KMT2D: variants seen among roughly 807,000 people sequenced by gnomAD.
The protein encoded by KMT2D is histone-lysine N-methyltransferase 2D.
KMT2D carries 55 observed loss-of-function variants against 512.7 expected under a neutral mutation model. That is an observed-to-expected ratio of 0.11 (90% CI 0.09 to 0.13). KMT2D has a LOEUF of 0.13. Among genes scored for constraint, KMT2D ranks in the 10% least tolerant of loss-of-function variants. The pLI is 1.00. For synonymous variants in KMT2D, 2,995 were observed against 2,904.0 expected, an observed-to-expected ratio of 1.03 and a Z score of -1.01; for missense variants, 6,061 against 7,127.9, an observed-to-expected ratio of 0.85 and a Z score of 5.39.
Position 49,058,810 on chromosome 12 carries a change from G to A in KMT2D, c.-38+803C>T, listed in dbSNP as rs1456512022. Among the ~76,000 whole-genome samples the A allele has an allele frequency of 2.0e-5, 3 of 152,154 alleles. No individual in the cohort carries two copies. In the East Asian group the frequency reaches 5.8e-4, roughly 29 times the overall value. ...CAGCCAGCTCTCCATACCAGGCCGGGAGAAGGCAAAAGACAAAAGCCATTT... is the reference window on the plus strand; with the variant it reads ...CAGCCAGCTCTCCATACCAGGCCGGAAGAAGGCAAAAGACAAAAGCCATTT... On this transcript the variant is annotated intron_variant, in intron 1 of 54. Transcript: ENST00000301067.
rs1221540786 is a variant in KMT2D, at chr12:49,039,041, G to A, written c.8367-52C>T. 1.3e-6 allele frequency: 2 copies of A among 1,541,034 alleles called. No individual in the cohort carries two copies. Among genetic ancestry groups the A allele is most frequent in the Non-Finnish European group, 1.8e-6 (2 of 1,134,702 alleles). On this transcript the variant is annotated intron_variant, in intron 34 of 54. Coordinates refer to ENST00000301067, the MANE Select transcript of KMT2D (RefSeq NM_003482.4). This position sits in a 1 kb window ranked among gnomAD's most constrained non-coding sequence, Gnocchi z 5.0. ...GATGAAATCAGATGAAAAGGAGCAA[G>A]AACATGGGCTTAGGGCAGTGAGGAA...
chr12:49,040,411 TG>T lies in KMT2D; in HGVS notation c.7358del (p.Pro2453HisfsTer32). 6.4e-7 allele frequency: 1 copy of T among 1,560,314 alleles called. No homozygotes were observed. Among genetic ancestry groups the T allele is most frequent in the Non-Finnish European group, 8.7e-7 (1 of 1,152,398 alleles). On this transcript the variant is annotated frameshift_variant, in exon 32 of 55. Coordinates refer to ENST00000301067, the MANE Select transcript of KMT2D (RefSeq NM_003482.4). LOFTEE classifies it high-confidence loss of function. ...GGTCACGGGACTGAGGGCGTGAGGG[TG>T]GGCGAGAATAAGGGTCAGGGGACTG... ...RFQSPDPYSR[P>X]PSRPQSRDPF...
In KMT2D at chr12:49,060,128, C is replaced by A. The variant is rs867277171; in HGVS notation, c.-553G>T. Among the ~76,000 whole-genome samples, 3 of 151,330 alleles carry A rather than the reference C, an allele frequency of 2.0e-5. No individual in the cohort carries two copies. The South Asian group carries it at 6.2e-4, about 31-fold the overall frequency. ...CGCCGAGCCCCTCTCCCCGCCCCGG[C>A]CGGCGCCCGGGGCCGCGCGAGCTAC... is the stretch of plus-strand genomic sequence containing the variant. On this transcript the variant is annotated 5_prime_UTR_variant, in exon 1 of 55. Coordinates refer to ENST00000301067, the MANE Select transcript of KMT2D (RefSeq NM_003482.4).
rs2120527780 is a variant in KMT2D at position 49,040,360 on chromosome 12, G to A, written c.7410C>T (p.Pro2470=). ...AGGCAACTTCAGGGGGCTGGGGTCG[G>A]GGTGGCTTATGCAATGGGGCAAATG... The part of the protein sequence containing the change: ...RDPFAPLHKP[P]RPQPPEVAFK... The change falls in exon 32 of 55, where the codon CCC becomes CCT. Residue 2470 remains proline (P), a synonymous_variant. Transcript: ENST00000301067. 1.9e-6 allele frequency: 3 copies of A among 1,566,262 alleles called. No homozygotes were observed. Among genetic ancestry groups the A allele is most frequent in the Admixed American group, 1.8e-5 (1 of 54,212 alleles).
intron 25 of KMT2D, 60 bp downstream of exon 25, chr12:49,043,303 A>G (rs2120566253): frequency 6.3e-7 from 1 of 1,575,882 alleles, no homozygotes; most frequent in Non-Finnish European, 8.7e-7. Context: ...TCAGGGGCAC[A>G]GCAGAGGGAC....
chr12:49,034,971 G>A (rs1367094922), intron 35 of KMT2D, 36 bp from the exon 36 acceptor site: 2 of 1,610,916 alleles, frequency 1.2e-6, no homozygotes, highest in South Asian at 1.1e-5. Flanking sequence ...TGGGCTATGG[G>A]GCCAATGCTC....
rs2120580980 is a variant in KMT2D at position 49,044,291 on chromosome 12, G to A, written c.5097C>T (p.Phe1699=). ...TGTGGGATTTCCGCTGTCGCACCATGAAACCACCAATGCCTATGAGGAGGC... is the reference window on the plus strand; with the variant it reads ...TGTGGGATTTCCGCTGTCGCACCATAAAACCACCAATGCCTATGAGGAGGC... ...RKPYRPGIGG[F]MVRQRKSHTR... The change falls in exon 22 of 55, where the codon TTC becomes TTT. Residue 1699 remains phenylalanine (F), a synonymous_variant. Coordinates refer to ENST00000301067, the MANE Select transcript of KMT2D (RefSeq NM_003482.4). This position sits in a 1 kb window ranked among gnomAD's most constrained non-coding sequence, Gnocchi z 6.4. 1 of 1,613,874 alleles carries A rather than the reference G, an allele frequency of 6.2e-7. No homozygotes were observed. Among genetic ancestry groups the A allele is most frequent in the Non-Finnish European group, 8.5e-7 (1 of 1,179,892 alleles).
chr12:49,054,834 T>C lies in KMT2D; in HGVS notation c.176+66A>G, dbSNP rs769766747. The stretch of plus-strand genomic sequence containing the variant: ...ATGCCCATGCTTCCCCAACACTCAT[T>C]TTCCTAAATTCTCTTCCTTGAAAGC... On this transcript the variant is annotated intron_variant, in intron 3 of 54. Coordinates refer to ENST00000301067, the MANE Select transcript of KMT2D (RefSeq NM_003482.4). This position sits in a 1 kb window ranked among gnomAD's most constrained non-coding sequence, Gnocchi z 6.4. 6.7e-5 allele frequency: 108 copies of C among 1,603,584 alleles called. No homozygotes were observed. The highest frequency in any genetic ancestry group is 3.9e-5 in the Non-Finnish European group (46 of 1,172,194).
rs1943278211 is a variant in KMT2D at position 49,037,498 on chromosome 12, CAGT to C, written c.9855_9857del (p.Leu3286del). ...TGGCCTGGGCAGGGCCTGGTGCAGA[CAGT>C]AGGGAATGCTGCTGCTGCTGTTGCT... On this transcript the variant is annotated inframe_deletion, in exon 35 of 55. Coordinates refer to ENST00000301067, the MANE Select transcript of KMT2D (RefSeq NM_003482.4). The C allele has an allele frequency of 6.4e-7, 1 of 1,558,374 alleles. No homozygotes were observed. The highest frequency in any genetic ancestry group is 8.7e-7 in the Non-Finnish European group (1 of 1,151,086).
intron 43 of KMT2D, 109 bp from the exon 44 acceptor site, chr12:49,029,585 T>C (rs1942789562): frequency 2.6e-6 from 2 of 774,690 alleles, no homozygotes; most frequent in Admixed American, 4.5e-5. Flanking sequence ...CTATCATGAT[T>C]AGCTGTCCTC....
intron 35 of KMT2D, 110 bp from the exon 36 acceptor site, chr12:49,035,045 C>A: frequency 1.5e-6 from 2 of 1,354,316 alleles, no homozygotes; most frequent in East Asian, 2.5e-5. Flanking sequence ...AACAATGGCA[C>A]GGCAAGGCAG....
Position 49,033,873 on chromosome 12 carries a change from T to G in KMT2D, c.10832A>C (p.Gln3611Pro). 1 of 1,554,224 alleles carries G rather than the reference T, an allele frequency of 6.4e-7. No homozygotes were observed. The highest frequency in any genetic ancestry group is 1.7e-4 in the Middle Eastern group (1 of 5,926). ...QQQQQQQQQQ[Q>P]QHSAVLALSP... ...GAGAGCCAGCACAGCTGAGTGCTGT[T>G]GCTGTTGTTGCTGCTGCTGCTGCTG... The change falls in exon 40 of 55, where the codon CAA becomes CCA. Residue 3611 changes from glutamine (Q) to proline (P), a missense_variant. Transcript: ENST00000301067.
At chr12:49,028,992 G>A (rs1942749544) in intron 45 of KMT2D, 34 bp from the exon 46 acceptor site, 1 of 1,611,044 alleles carries the variant, frequency 6.2e-7, no homozygotes, top group Non-Finnish European at 8.5e-7. Flanking sequence ...GTAACACTTG[G>A]CCGCCTCTCC....
rs1049412128 is a variant in KMT2D, at chr12:49,039,016, G to C, written c.8367-27C>G. ...TGGAAGAATATACAGTAGTCAGTAG[G>C]ATGAAATCAGATGAAAAGGAGCAAG... On this transcript the variant is annotated intron_variant, in intron 34 of 54. Coordinates refer to ENST00000301067, the MANE Select transcript of KMT2D (RefSeq NM_003482.4). The surrounding 1 kb of genome is among the most constrained non-coding windows in gnomAD (Gnocchi z 5.0). 6.5e-7 allele frequency: 1 copy of C among 1,550,126 alleles called. No individual in the cohort carries two copies. Among genetic ancestry groups the C allele is most frequent in the Non-Finnish European group, 8.7e-7 (1 of 1,145,118 alleles).
intron 1 of KMT2D, among the ~76,000 whole-genome samples, chr12:49,058,637 TG>T (rs1268133766): frequency 6.6e-6 from 1 of 152,172 alleles, no homozygotes; most frequent in Non-Finnish European, 1.5e-5. Flanking sequence ...AAAAGAGCTC[TG>T]ATCAAGCAAT....
At chr12:49,047,749 T>G (rs1049921475) in intron 15 of KMT2D, among the ~76,000 whole-genome samples, 1 of 152,140 alleles carries the variant, frequency 6.6e-6, no homozygotes, top group African/African-American at 2.4e-5. Flanking sequence ...TGGACTGAAT[T>G]ATACCAGCAA....
chr12:49,033,564 C>T lies in KMT2D; in HGVS notation c.11141G>A (p.Arg3714Lys), dbSNP rs186696516. ...LALRSLGPDS[R>K]LLQERQLQLQ... ...CTGCAGCTGCCTTTCCTGTAAAAGC[C>T]TTGAATCAGGTCCGAGGCTTCGAAG... The change falls in exon 40 of 55, where the codon AGG becomes AAG. Residue 3714 changes from arginine (R) to lysine (K), a missense_variant. By Grantham distance (26) the Arg-to-Lys change is conservative. Transcript: ENST00000301067. The T allele has an allele frequency of 1.3e-3, 2,080 of 1,613,488 alleles. 37 individuals are homozygous for T. Among genetic ancestry groups the T allele is most frequent in the East Asian group, 3.4e-3 (153 of 44,850 alleles).
intron 48 of KMT2D, 33 bp from the exon 49 acceptor site, chr12:49,027,355 GCTC>G (rs1336598247): frequency 4.0e-6 from 6 of 1,487,558 alleles, no homozygotes; most frequent in Non-Finnish European, 5.4e-6. Context: ...ATTAGTGCCA[GCTC>G]CTCATCTAAC....
chr12:49,043,805 C>G (rs2120573553), intron 23 of KMT2D, 23 bp from the exon 24 acceptor site: 1 of 1,612,760 alleles, frequency 6.2e-7, no homozygotes, highest in Non-Finnish European at 8.5e-7. Flanking sequence ...CAAGGAGAAA[C>G]AGTTTTCTTC....
Sources: allele counts gnomAD v4.1 joint callset (sites outside exome capture counted in the v4.1 genomes callset), GRCh38; gene constraint gnomAD v4.1.1; non-coding constraint Gnocchi (gnomAD v3.1); transcripts MANE v1.5; gene names NCBI Gene and HGNC (gene_info 2026-07-23, HGNC 2026-07-21).